Variants in LRIF1 observed in about 807,000 individuals in gnomAD.
LRIF1 encodes the protein ligand dependent nuclear receptor interacting factor 1.
In LRIF1, 32 loss-of-function variants were observed where a neutral mutation model predicts 52.7. The observed-to-expected ratio is 0.61, with a 90% CI of 0.46 to 0.82. The LOEUF (loss-of-function observed/expected upper bound fraction) is 0.82, where lower values mean the gene tolerates loss of function less well. Ranked by LOEUF, LRIF1 falls within the 40% of genes least tolerant of loss-of-function variation. The pLI, the probability that LRIF1 is intolerant of heterozygous loss-of-function variation, is 0.00. For missense variants in LRIF1, 887 were observed against 892.0 expected (o/e 0.99, Z 0.07); for synonymous variants, 323 against 317.4 (o/e 1.02, Z -0.19).
At position 110,963,726 on chromosome 1, in the gene LRIF1, T is replaced by C; in HGVS notation, c.-38A>G. 1 of 1,526,976 alleles carries C rather than the reference T, an allele frequency of 6.5e-7. No individual in the cohort carries two copies. The highest frequency in any genetic ancestry group is 9.0e-7 in the Non-Finnish European group (1 of 1,111,052). The allele number at this position is 1,526,976 out of a possible 1,614,324, so 94.6% of individuals were successfully genotyped here. The stretch of plus-strand genomic sequence containing the variant: ...AAAGGGGACACCTCATCCAGAAAAG[T>C]GGGAAGCGTGGGGCCGAGTTTCCCA... On this transcript the variant is annotated 5_prime_UTR_variant, in exon 1 of 4. Transcript: ENST00000369763.
chr1:110,949,423 CTTT>C (rs1006521534), intron 3 of LRIF1, among the ~76,000 whole-genome samples: 5 of 131,226 alleles, frequency 3.8e-5, no homozygotes, highest in African/African-American at 2.8e-5. Context: ...TGGCCTGGTT[CTTT>C]TTTTTTTTTT....
the LRIF1 span, among the ~76,000 whole-genome samples, chr1:110,927,051 T>C: frequency 6.6e-6 from 1 of 152,186 alleles, no homozygotes; most frequent in Non-Finnish European, 1.5e-5. Flanking sequence ...GTTAACCATA[T>C]GGAAAGAAAT....
chr1:110,912,603 G>T, the LRIF1 span, among the ~76,000 whole-genome samples: 119,368 of 152,132 alleles, frequency 0.78, 47,014 homozygotes, highest in East Asian at 0.89. Context: ...AATAAAATAT[G>T]TAGGAATTCA....
chr1:110,903,264 G>A, the LRIF1 span, among the ~76,000 whole-genome samples: 1 of 152,200 alleles, frequency 6.6e-6, no homozygotes, highest in African/African-American at 2.4e-5. Flanking sequence ...ACTGGGAGGG[G>A]CATGTGACCT....
At chr1:110,883,965 A>T in the LRIF1 span, among the ~76,000 whole-genome samples, 1 of 152,038 alleles carries the variant, frequency 6.6e-6, no homozygotes, top group East Asian at 1.9e-4. Flanking sequence ...TCAGTCTTCT[A>T]AAAGAGCCAA....
At chr1:110,894,414 GACA>G in the LRIF1 span, 2 of 1,601,948 alleles carry the variant, frequency 1.2e-6, no homozygotes, top group Admixed American at 3.3e-5. Flanking sequence ...AAGTTATAAA[GACA>G]ACAACTTATT....
the LRIF1 span, among the ~76,000 whole-genome samples, chr1:110,902,495 T>TAAAAAAAGAAAAAAAAAAAAAAAA: frequency 6.9e-5 from 5 of 72,646 alleles, no homozygotes; most frequent in African/African-American, 3.5e-4. Flanking sequence ...AATCAATCAC[T>TAAAAAAAGAAAAAAAAAAAAAAAA]AAAAAAAAAA....
chr1:110,957,301 CAAAAAAAA>C (rs35011841), intron 1 of LRIF1, among the ~76,000 whole-genome samples: 19 of 81,886 alleles, frequency 2.3e-4, no homozygotes, highest in African/African-American at 7.1e-4. Flanking sequence ...ACTAAAAATA[CAAAAAAAA>C]AAAAAAAAAA....
At chr1:110,933,023 G>A in the LRIF1 span, among the ~76,000 whole-genome samples, 221 of 152,246 alleles carry the variant, frequency 1.5e-3, 1 homozygote, top group African/African-American at 5.2e-3. Context: ...TATTCTAGAG[G>A]TCAAATACTA....
At chr1:110,957,323 A>C (rs1658742583) in intron 1 of LRIF1, among the ~76,000 whole-genome samples, 1 of 138,582 alleles carries the variant, frequency 7.2e-6, no homozygotes, top group Non-Finnish European at 1.6e-5. Flanking sequence ...AAAAAAAAAA[A>C]TTAGCCGGGC....
chr1:110,906,012 A>C, the LRIF1 span, among the ~76,000 whole-genome samples: 1 of 152,178 alleles, frequency 6.6e-6, no homozygotes, highest in Admixed American at 6.5e-5. Context: ...AGTCTCATGC[A>C]AAAACATATG....
chr1:110,950,832 C>T (rs1658439012), intron 2 of LRIF1, among the ~76,000 whole-genome samples: 1 of 152,136 alleles, frequency 6.6e-6, no homozygotes, highest in South Asian at 2.1e-4. Flanking sequence ...TATACCACCA[C>T]CACCACCACA....
At chr1:110,923,382 G>C in the LRIF1 span, among the ~76,000 whole-genome samples, 1 of 152,084 alleles carries the variant, frequency 6.6e-6, no homozygotes, top group Non-Finnish European at 1.5e-5. Flanking sequence ...ATAGGTTCCA[G>C]GTATTTGGAC....
At chr1:110,897,425 C>A in the LRIF1 span, among the ~76,000 whole-genome samples, 6 of 152,232 alleles carry the variant, frequency 3.9e-5, no homozygotes, top group African/African-American at 1.4e-4. Context: ...GATGGATTTA[C>A]TGAATGTTGA....
chr1:110,915,349 G>A, the LRIF1 span, among the ~76,000 whole-genome samples: 1 of 152,094 alleles, frequency 6.6e-6, no homozygotes, highest in African/African-American at 2.4e-5. Context: ...TTAGCCGGGC[G>A]CGGTGGCAGG....
the LRIF1 span, among the ~76,000 whole-genome samples, chr1:110,914,391 G>C: frequency 6.6e-6 from 1 of 152,078 alleles, no homozygotes; most frequent in Non-Finnish European, 1.5e-5. Context: ...GTGGCAAAAG[G>C]CATGAAGAAT....
chr1:110,889,041 A>AG, the LRIF1 span, among the ~76,000 whole-genome samples: 1 of 152,214 alleles, frequency 6.6e-6, no homozygotes, highest in African/African-American at 2.4e-5. Context: ...GCTTGTGCAA[A>AG]GGGCAACAGG....
rs1346379145 is a variant in LRIF1 at position 110,947,927 on chromosome 1, C to T, written c.*32G>A. 6.5e-7 allele frequency: 1 copy of T among 1,538,704 alleles called. No individual in the cohort carries two copies. The highest frequency in any genetic ancestry group is 1.4e-5 in the African/African-American group (1 of 71,786). ...TAATGCTGAAGTATATTTTAAAAAACAGCTATTTCACTGAAGTCTTTACAG... is the reference window on the plus strand; with the variant it reads ...TAATGCTGAAGTATATTTTAAAAAATAGCTATTTCACTGAAGTCTTTACAG... On this transcript the variant is annotated 3_prime_UTR_variant, in exon 4 of 4. Coordinates refer to ENST00000369763, the MANE Select transcript of LRIF1 (RefSeq NM_018372.4).
intron 3 of LRIF1, among the ~76,000 whole-genome samples, chr1:110,949,400 G>A (rs1346796661): frequency 1.4e-5 from 2 of 145,142 alleles, no homozygotes; most frequent in Admixed American, 7.0e-5. Context: ...TTACAGGCGT[G>A]AGCCACTGCA....
Sources: allele counts gnomAD v4.1 joint callset (sites outside exome capture counted in the v4.1 genomes callset), GRCh38; gene constraint gnomAD v4.1.1; transcripts MANE v1.5; gene names NCBI Gene and HGNC (gene_info 2026-07-23, HGNC 2026-07-21).